Variants in BAALC observed in about 807,000 individuals in gnomAD.
BAALC encodes the protein brain and acute leukemia cytoplasmic protein.
BAALC carries 9 observed loss-of-function variants against 15.5 expected under a neutral mutation model. The ratio of observed to expected loss-of-function variants is 0.58; its 90% CI spans 0.35 to 1.02. The LOEUF (loss-of-function observed/expected upper bound fraction) is 1.02. Among genes scored for constraint, BAALC ranks in the 50% least tolerant of loss-of-function variants. The probability of loss-of-function intolerance (pLI) is 0.02; values close to 1 mark genes in which losing one functional copy is unlikely to be tolerated. For synonymous variants in BAALC, 80 were observed against 74.6 expected (o/e 1.07, Z -0.37); for missense variants, 201 against 192.4 (o/e 1.04, Z -0.27).
chr8:103,142,272 C>G (rs1484845372), intron 1 of BAALC, among the ~76,000 whole-genome samples: 1 of 152,202 alleles, frequency 6.6e-6, no homozygotes, highest in African/African-American at 2.4e-5. Flanking sequence ...AAAGCTGGCT[C>G]CTTTTCCACA....
At chr8:103,170,308 A>G (rs1362780399) in intron 1 of BAALC, among the ~76,000 whole-genome samples, 1 of 151,448 alleles carries the variant, frequency 6.6e-6, no homozygotes, top group African/African-American at 2.4e-5. Context: ...TTTGTATTGG[A>G]TGGTATACAG....
chr8:103,194,523 T>A (rs937349410), intron 1 of BAALC, among the ~76,000 whole-genome samples: 2 of 152,218 alleles, frequency 1.3e-5, no homozygotes, highest in Non-Finnish European at 2.9e-5. Context: ...AGTTACCATA[T>A]TCCCTCCCCT....
At chr8:103,201,105 G>C (rs1586425920) in intron 1 of BAALC, among the ~76,000 whole-genome samples, 1 of 152,084 alleles carries the variant, frequency 6.6e-6, no homozygotes, top group Non-Finnish European at 1.5e-5. Flanking sequence ...TAAATCTGCT[G>C]ACTTTGTGGA....
chr8:103,197,105 A>G (rs1361810256), intron 1 of BAALC, among the ~76,000 whole-genome samples: 1 of 152,230 alleles, frequency 6.6e-6, no homozygotes, highest in Non-Finnish European at 1.5e-5. Context: ...AACAAACAAA[A>G]GGCTTTCATT....
intron 1 of BAALC, among the ~76,000 whole-genome samples, chr8:103,210,927 T>A (rs553206155): frequency 3.3e-5 from 5 of 152,304 alleles, no homozygotes; most frequent in Non-Finnish European, 5.9e-5. Flanking sequence ...AATGTGTATA[T>A]CCTTTGAAAT....
chr8:103,207,233 G>A (rs976736472), intron 1 of BAALC, among the ~76,000 whole-genome samples: 1 of 152,128 alleles, frequency 6.6e-6, no homozygotes, highest in Admixed American at 6.5e-5. Flanking sequence ...GATTAATTCT[G>A]TAATGAAAGA....
intron 1 of BAALC, among the ~76,000 whole-genome samples, chr8:103,155,541 ACCTTG>A (rs1297915964): frequency 6.6e-6 from 1 of 152,150 alleles, no homozygotes; most frequent in Non-Finnish European, 1.5e-5. Flanking sequence ...AGTAGGTGTG[ACCTTG>A]GGTAAGGTCA....
chr8:103,182,824 C>G (rs1811756132), intron 1 of BAALC, among the ~76,000 whole-genome samples: 1 of 152,182 alleles, frequency 6.6e-6, no homozygotes, highest in South Asian at 2.1e-4. Flanking sequence ...TTTGTTATCT[C>G]CATAGCAAGA....
intron 2 of BAALC, among the ~76,000 whole-genome samples, chr8:103,227,083 T>G (rs1000887343): frequency 6.6e-6 from 1 of 152,226 alleles, no homozygotes; most frequent in Non-Finnish European, 1.5e-5. Flanking sequence ...CCAGGCTCTG[T>G]GCTGTGTTGG....
intron 1 of BAALC, among the ~76,000 whole-genome samples, chr8:103,147,498 TGGTGG>T (rs1331369880): frequency 6.6e-6 from 1 of 152,150 alleles, no homozygotes; most frequent in Admixed American, 6.5e-5. Context: ...TAATAGGCCC[TGGTGG>T]GAAGAACCTA....
At chr8:103,211,890 G>A (rs2130063792) in intron 1 of BAALC, among the ~76,000 whole-genome samples, 1 of 152,250 alleles carries the variant, frequency 6.6e-6, no homozygotes, top group South Asian at 2.1e-4. Context: ...GAAAGTCCGG[G>A]CTACCTTGCT....
intron 2 of BAALC, among the ~76,000 whole-genome samples, chr8:103,216,769 C>A (rs1812565640): frequency 6.6e-6 from 1 of 152,366 alleles, no homozygotes; most frequent in East Asian, 1.9e-4. Flanking sequence ...AGCCATTGCA[C>A]CCGGCCACTA....
intron 1 of BAALC, among the ~76,000 whole-genome samples, chr8:103,185,914 T>TTGCCTAGGGAGCTTG (rs1316457338): frequency 2.0e-5 from 3 of 152,206 alleles, no homozygotes; most frequent in African/African-American, 7.2e-5. Flanking sequence ...GCTTAGTACA[T>TTGCCTAGGGAGCTTG]TGCCTAGGGA....
At chr8:103,186,564 A>G (rs970062242) in intron 1 of BAALC, among the ~76,000 whole-genome samples, 1 of 152,040 alleles carries the variant, frequency 6.6e-6, no homozygotes, top group South Asian at 2.1e-4. Context: ...CCCAATAGAG[A>G]CGATTTTTTG....
At chr8:103,198,281 T>C (rs1812139505) in intron 1 of BAALC, 1 of 551,340 alleles carries the variant, frequency 1.8e-6, no homozygotes, top group East Asian at 3.0e-5. Context: ...TATTTGATGA[T>C]TAAATGTGAT....
Position 103,202,601 on chromosome 8 carries a change from A to G in BAALC, c.161-10318A>G, listed in dbSNP as rs138319025. Among the ~76,000 whole-genome samples the G allele has an allele frequency of 5.2e-3, 794 of 152,380 alleles. 4 individuals carry two copies. The highest frequency in any genetic ancestry group is 0.017 in the African/African-American group (706 of 41,592). ...AATGATTCAAGGAGACACAAAGAGG[A>G]AAGAGAAGAGCATAAGAGAAGTGTT... On this transcript the variant is annotated intron_variant, in intron 1 of 2. Transcript: ENST00000309982.
chr8:103,211,053 A>G (rs1280817978), intron 1 of BAALC, among the ~76,000 whole-genome samples: 2 of 152,080 alleles, frequency 1.3e-5, no homozygotes, highest in African/African-American at 4.8e-5. Flanking sequence ...TGTTCTTGAT[A>G]TCACTGATGT....
At chr8:103,176,446 A>G (rs375825670) in intron 1 of BAALC, among the ~76,000 whole-genome samples, 2 of 151,896 alleles carry the variant, frequency 1.3e-5, no homozygotes, top group South Asian at 4.1e-4. Context: ...CATAGTATTA[A>G]TGTTAGAACT....
At chr8:103,208,551 C>T (rs997097608) in intron 1 of BAALC, 2 of 152,346 alleles carry the variant, frequency 1.3e-5, no homozygotes, top group South Asian at 2.1e-4. Context: ...CCAGTGCAGC[C>T]TCACGGGGCC....
Sources: gnomAD v4.1 joint callset for allele counts (sites outside exome capture counted in the v4.1 genomes callset) on GRCh38, gnomAD v4.1.1 for gene constraint, MANE v1.5 for transcripts, NCBI Gene and HGNC (gene_info 2026-07-23, HGNC 2026-07-21) for gene names.